FRMD8: variants seen among roughly 807,000 people sequenced by gnomAD.
The protein encoded by FRMD8 is FERM domain containing 8, also known as FERM domain-containing protein 8.
A neutral mutation model predicts 54.2 loss-of-function variants in FRMD8; 37 were observed. The observed-to-expected ratio is 0.68, with a 90% CI of 0.53 to 0.90. FRMD8 has a LOEUF of 0.90. Among genes scored for constraint, FRMD8 ranks in the 40% least tolerant of loss-of-function variants. The pLI, the probability that FRMD8 is intolerant of heterozygous loss-of-function variation, is 0.00. For synonymous variants in FRMD8, 246 were observed against 286.9 expected (o/e 0.86, Z 1.44); for missense variants, 585 against 653.7 (o/e 0.89, Z 1.15).
At chr11:65,403,808 C>G (rs1210273375) in intron 9 of FRMD8, among the ~76,000 whole-genome samples, 1 of 152,198 alleles carries the variant, frequency 6.6e-6, no homozygotes, top group Non-Finnish European at 1.5e-5. Context: ...ATTTGAACGG[C>G]AGGCTTCCTG....
In FRMD8 at chr11:65,400,037, C is replaced by A; in HGVS notation, c.927+178C>A. 1.4e-6 allele frequency: 1 copy of A among 704,700 alleles called. No homozygotes were observed. The highest frequency in any genetic ancestry group is 2.2e-6 in the Non-Finnish European group (1 of 448,810). The allele number at this position is 704,700 out of a possible 1,614,324, so 43.7% of individuals were successfully genotyped here. A position where few individuals can be genotyped will look rare whatever the true frequency, so the allele number is the denominator to read the frequency against. On this transcript the variant is annotated intron_variant, in intron 8 of 10. Coordinates refer to ENST00000317568, the MANE Select transcript of FRMD8 (RefSeq NM_031904.5). The surrounding 1 kb of genome is among the most constrained non-coding windows in gnomAD (Gnocchi z 4.3). ...GAGGGTGATCCTGGGTCCTCTTGCCCAACATGCTAGGCTGTGGGGTGGCCG... is the reference window on the plus strand; with the variant it reads ...GAGGGTGATCCTGGGTCCTCTTGCCAAACATGCTAGGCTGTGGGGTGGCCG...
chr11:65,386,879 A>G, intron 1 of FRMD8, 118 bp downstream of exon 1: 1 of 670,102 alleles, frequency 1.5e-6, no homozygotes, highest in Non-Finnish European at 2.6e-6. Flanking sequence ...CACCCCTCCC[A>G]CCAGCGCCCG....
At chr11:65,388,547 C>G (rs1339353137) in intron 2 of FRMD8, among the ~76,000 whole-genome samples, 1 of 152,178 alleles carries the variant, frequency 6.6e-6, no homozygotes, top group African/African-American at 2.4e-5. Context: ...AGGATGGGAA[C>G]CCGAGTATGT....
intron 6 of FRMD8, among the ~76,000 whole-genome samples, chr11:65,395,189 G>C (rs977893525): frequency 6.6e-6 from 1 of 151,586 alleles, no homozygotes; most frequent in African/African-American, 2.4e-5. Flanking sequence ...GGAGGTTGCA[G>C]TGAGCCAAGG....
rs546809301 is a variant in FRMD8 at position 65,403,411 on chromosome 11, G to C, written c.1072-1453G>C. Among the ~76,000 whole-genome samples, 16 of 152,298 alleles carry C rather than the reference G, an allele frequency of 1.1e-4. No homozygotes were observed. In the South Asian group the frequency reaches 2.9e-3, roughly 28 times the overall value. On this transcript the variant is annotated intron_variant, in intron 9 of 10. Coordinates refer to ENST00000317568, the MANE Select transcript of FRMD8 (RefSeq NM_031904.5). Reference sequence around the variant, plus strand: ...TTGGCCAGGCTGGTCTCAAACTCCTGACCTCAGGTGATCCACCCGCCTCGG... The same window carrying C: ...TTGGCCAGGCTGGTCTCAAACTCCTCACCTCAGGTGATCCACCCGCCTCGG...
Position 65,400,862 on chromosome 11 carries a change from A to G in FRMD8, c.1066A>G (p.Lys356Glu). The change falls in exon 9 of 11, where the codon AAG becomes GAG. Residue 356 changes from lysine (K) to glutamate (E), a missense_variant. Physicochemically the swap from Lys to Glu is moderately conservative, Grantham distance 56. Coordinates refer to ENST00000317568, the MANE Select transcript of FRMD8 (RefSeq NM_031904.5). This position sits in a 1 kb window ranked among gnomAD's most constrained non-coding sequence, Gnocchi z 4.3. ...CAACAAGCTCCTCAAGATCTACTCC[A>G]AGCAGGTAGCGCGGGTGGTGCCTGC... is the stretch of plus-strand genomic sequence containing the variant. The part of the protein sequence containing the change: ...PVNKLLKIYS[K>E]QAELMSSLIE... The G allele has an allele frequency of 1.2e-6, 2 of 1,605,984 alleles. No individual in the cohort carries two copies. The highest frequency in any genetic ancestry group is 1.7e-6 in the Non-Finnish European group (2 of 1,175,808).
At chr11:65,386,068 T>A (rs1226745043), upstream of FRMD8, among the ~76,000 whole-genome samples, 4 of 152,044 alleles carry the variant, frequency 2.6e-5, no homozygotes, top group African/African-American at 9.7e-5. Flanking sequence ...AGTGCTGGGA[T>A]TACAGGCGTG....
At chr11:65,394,674 C>T (rs1449824843) in intron 6 of FRMD8, among the ~76,000 whole-genome samples, 1 of 152,206 alleles carries the variant, frequency 6.6e-6, no homozygotes, top group East Asian at 1.9e-4. Context: ...CTGCCTCCTG[C>T]CGGCCAGGGT....
chr11:65,383,088 C>G (rs1485976696), upstream of FRMD8: 4 of 152,562 alleles, frequency 2.6e-5, no homozygotes, highest in Non-Finnish European at 4.4e-5. Context: ...TCAGCGGCAG[C>G]CTGGGGCTCC....
rs1465850838 is a variant in FRMD8, at chr11:65,400,180, G to A, written c.927+321G>A. Among the ~76,000 whole-genome samples the A allele has an allele frequency of 2.0e-5, 3 of 152,164 alleles. No individual in the cohort carries two copies. The highest frequency in any genetic ancestry group is 6.5e-5 in the Admixed American group (1 of 15,288). ...CTGATGCTCCAGAAGACCCCGCGAC[G>A]GGAGCCCTCTTGGGCTGACCGTGTC... On this transcript the variant is annotated intron_variant, in intron 8 of 10. Transcript: ENST00000317568. This position sits in a 1 kb window ranked among gnomAD's most constrained non-coding sequence, Gnocchi z 4.3.
chr11:65,370,817 C>G, the FRMD8 span, among the ~76,000 whole-genome samples: 1 of 152,104 alleles, frequency 6.6e-6, no homozygotes, highest in Non-Finnish European at 1.5e-5. Flanking sequence ...GTAACCCCAG[C>G]ACTTTGGGAG....
the FRMD8 span, chr11:65,379,599 G>A: frequency 6.4e-7 from 1 of 1,568,696 alleles, no homozygotes; most frequent in Non-Finnish European, 8.7e-7. Context: ...TAGGCACCGT[G>A]GGGCCTCCCC....
chr11:65,374,027 A>G, the FRMD8 span, among the ~76,000 whole-genome samples: 1 of 113,248 alleles, frequency 8.8e-6, no homozygotes, highest in African/African-American at 3.5e-5. Context: ...TGTTGCAACA[A>G]GGACAGAGCC....
chr11:65,390,817 C>G (rs1160314174), intron 3 of FRMD8, among the ~76,000 whole-genome samples: 1 of 152,270 alleles, frequency 6.6e-6, no homozygotes, highest in Non-Finnish European at 1.5e-5. Flanking sequence ...CTCCTCTCAC[C>G]TCCTCCGTCT....
At chr11:65,393,897 A>T in intron 4 of FRMD8, 144 bp from the exon 5 acceptor site, 1 of 886,564 alleles carries the variant, frequency 1.1e-6, no homozygotes, top group Non-Finnish European at 1.8e-6. Flanking sequence ...CGTTGGGATG[A>T]GCTGCACACT....
the FRMD8 span, chr11:65,376,486 G>T: frequency 6.2e-7 from 1 of 1,614,194 alleles, no homozygotes; most frequent in South Asian, 1.1e-5. Context: ...ACTGTTGATG[G>T]TGACCCCCCG....
chr11:65,374,155 A>G, the FRMD8 span, among the ~76,000 whole-genome samples: 2 of 145,900 alleles, frequency 1.4e-5, no homozygotes, highest in African/African-American at 5.6e-5. Context: ...TACTAAAAAT[A>G]CAAAAACTAG....
At chr11:65,376,546 A>G in the FRMD8 span, 7 of 1,614,178 alleles carry the variant, frequency 4.3e-6, no homozygotes, top group Non-Finnish European at 5.1e-6. Flanking sequence ...CATGCAGTCC[A>G]GCATCCCCTG....
the FRMD8 span, chr11:65,376,671 T>TGAGCCTGGGGCAGAGA: frequency 6.2e-7 from 1 of 1,613,842 alleles, no homozygotes; most frequent in East Asian, 2.2e-5. Context: ...GCACCGTGGC[T>TGAGCCTGGGGCAGAGA]GAGCCTGGGG....
Sources: allele counts gnomAD v4.1 joint callset (sites outside exome capture counted in the v4.1 genomes callset), GRCh38; gene constraint gnomAD v4.1.1; non-coding constraint Gnocchi (gnomAD v3.1); transcripts MANE v1.5; gene names NCBI Gene and HGNC (gene_info 2026-07-23, HGNC 2026-07-21).